PLEKHA6: variants seen among roughly 807,000 people sequenced by gnomAD.
The protein encoded by PLEKHA6 is pleckstrin homology domain-containing family A member 6.
A neutral mutation model predicts 116.7 loss-of-function variants in PLEKHA6; 60 were observed. That is an observed-to-expected ratio of 0.51 (90% CI 0.42 to 0.64). PLEKHA6 has a LOEUF of 0.64. Among genes scored for constraint, PLEKHA6 ranks in the 30% least tolerant of loss-of-function variants. PLEKHA6 has a pLI of 0.00. For missense variants in PLEKHA6, 1,338 were observed against 1,422.7 expected (o/e 0.94, Z 0.96); for synonymous variants, 489 against 556.1 (o/e 0.88, Z 1.70).
intron 1 of PLEKHA6, among the ~76,000 whole-genome samples, chr1:204,328,490 G>A (rs1258008648): frequency 1.3e-5 from 2 of 151,450 alleles, no homozygotes; most frequent in Non-Finnish European, 2.9e-5. Context: ...TCTGCCTCTC[G>A]GGTTTCCCTG....
At chr1:204,266,808 C>T (rs576902058) in intron 5 of PLEKHA6, among the ~76,000 whole-genome samples, 5 of 152,308 alleles carry the variant, frequency 3.3e-5, no homozygotes, top group African/African-American at 7.2e-5. Flanking sequence ...TCATCCCTCA[C>T]GCCTATTTCC....
chr1:204,361,879 G>A (rs760283649), upstream of PLEKHA6, among the ~76,000 whole-genome samples: 18 of 152,344 alleles, frequency 1.2e-4, no homozygotes, highest in Admixed American at 3.9e-4. Flanking sequence ...GAGGGAGGCC[G>A]GGGAGGGGGA....
rs145932113 is a variant in PLEKHA6, at chr1:204,256,037, G to C, written c.1524+1316C>G. On this transcript the variant is annotated intron_variant, in intron 9 of 22. Transcript: ENST00000272203. The stretch of plus-strand genomic sequence containing the variant: ...AAAAATCGGTTGTTTCTGGGTGCGT[G>C]TGTTTGCTGTGGGCAAAGCTTATAT... Among the ~76,000 whole-genome samples, 54 of 152,344 alleles carry C rather than the reference G, an allele frequency of 3.5e-4. No individual in the cohort carries two copies. The Middle Eastern group carries it at 0.01, about 29-fold the overall frequency.
intron 1 of PLEKHA6, among the ~76,000 whole-genome samples, chr1:204,341,192 T>C (rs1672834208): frequency 6.6e-6 from 1 of 152,202 alleles, no homozygotes; most frequent in African/African-American, 2.4e-5. Context: ...AGGCAGATCA[T>C]GGTTGTTAGA....
intron 1 of PLEKHA6, among the ~76,000 whole-genome samples, chr1:204,342,781 A>G (rs1379300161): frequency 6.6e-6 from 1 of 152,206 alleles, no homozygotes; most frequent in Non-Finnish European, 1.5e-5. Flanking sequence ...GGAGGTAAGG[A>G]AGTTCCCAAC....
At chr1:204,289,257 A>G (rs1669506096) in intron 1 of PLEKHA6, among the ~76,000 whole-genome samples, 1 of 152,038 alleles carries the variant, frequency 6.6e-6, no homozygotes, top group South Asian at 2.1e-4. Context: ...GCCCAGTAGG[A>G]TTTTTCTTTT....
intron 1 of PLEKHA6, among the ~76,000 whole-genome samples, chr1:204,304,447 A>C (rs1293726979): frequency 1.3e-5 from 2 of 152,210 alleles, no homozygotes; most frequent in Admixed American, 6.5e-5. Context: ...AATCTGCCCC[A>C]AAAGTGGCCT....
At chr1:204,357,465 A>C (rs1439186788) in intron 1 of PLEKHA6, among the ~76,000 whole-genome samples, 1 of 152,180 alleles carries the variant, frequency 6.6e-6, no homozygotes, top group African/African-American at 2.4e-5. Flanking sequence ...CCCAAAATAT[A>C]GTCTTTTTTT....
intron 6 of PLEKHA6, among the ~76,000 whole-genome samples, chr1:204,263,232 T>G: frequency 2.0e-5 from 3 of 150,012 alleles, no homozygotes; most frequent in Non-Finnish European, 4.5e-5. Flanking sequence ...TGATGGGGAG[T>G]GGGTAGGGGC....
At chr1:204,249,665 A>C (rs908428308) in intron 10 of PLEKHA6, among the ~76,000 whole-genome samples, 4 of 152,014 alleles carry the variant, frequency 2.6e-5, no homozygotes, top group African/African-American at 9.7e-5. Context: ...ACTGTCCCTC[A>C]ATCCCACAGA....
intron 1 of PLEKHA6, among the ~76,000 whole-genome samples, chr1:204,329,931 AAGAG>A (rs1399096273): frequency 6.6e-6 from 1 of 151,816 alleles, no homozygotes; most frequent in African/African-American, 2.4e-5. Flanking sequence ...GTTTCTTCAG[AAGAG>A]AGAGAGAGAA....
At chr1:204,239,642 C>T (rs1235930738) in intron 17 of PLEKHA6, among the ~76,000 whole-genome samples, 1 of 152,160 alleles carries the variant, frequency 6.6e-6, no homozygotes, top group Non-Finnish European at 1.5e-5. Flanking sequence ...ATTCACTGGT[C>T]TTACTATGTT....
chr1:204,320,432 A>C (rs1672018404), intron 1 of PLEKHA6: 2 of 935,738 alleles, frequency 2.1e-6, no homozygotes, highest in Admixed American at 1.2e-4. Flanking sequence ...TCAGCTCCCC[A>C]GGAGACTGTG....
chr1:204,218,958 G>T lies in PLEKHA6; in HGVS notation c.*3830C>A. 6.6e-6 allele frequency: 1 copy of T among 152,564 alleles called. No individual in the cohort carries two copies. The allele number at this position is 152,564 out of a possible 1,614,324, so 9.5% of individuals were successfully genotyped here. On this transcript the variant is annotated 3_prime_UTR_variant, in exon 23 of 23. Transcript: ENST00000272203. ...AGTACCTAAATCTAAAAAGAATGCTGCTGAAAGGGGGAAGCAAACTCTCAC... is the reference window on the plus strand; with the variant it reads ...AGTACCTAAATCTAAAAAGAATGCTTCTGAAAGGGGGAAGCAAACTCTCAC...
At chr1:204,370,681 C>A (rs1673756618) in intron 2 of PLEKHA6, among the ~76,000 whole-genome samples, 1 of 152,174 alleles carries the variant, frequency 6.6e-6, no homozygotes, top group African/African-American at 2.4e-5. Context: ...CAGCCTTGTC[C>A]CCTTTCATGT....
chr1:204,326,612 A>G (rs968073280), intron 1 of PLEKHA6, among the ~76,000 whole-genome samples: 2 of 152,248 alleles, frequency 1.3e-5, no homozygotes, highest in African/African-American at 2.4e-5. Context: ...GTGATAGATC[A>G]TTGAGCCTTA....
At chr1:204,275,728 A>T in intron 1 of PLEKHA6, 1 of 985,150 alleles carries the variant, frequency 1.0e-6, no homozygotes, top group Non-Finnish European at 1.2e-6. Context: ...CCATAATGGC[A>T]ACCCCCAAGA....
chr1:204,240,758 T>C (rs1662695645), intron 17 of PLEKHA6, among the ~76,000 whole-genome samples: 1 of 152,182 alleles, frequency 6.6e-6, no homozygotes, highest in African/African-American at 2.4e-5. Flanking sequence ...TGATTAATAT[T>C]GAGTGTCAAC....
At chr1:204,296,294 A>G (rs747074879) in intron 1 of PLEKHA6, among the ~76,000 whole-genome samples, 9 of 149,654 alleles carry the variant, frequency 6.0e-5, no homozygotes, top group Non-Finnish European at 1.3e-4. Context: ...TCTCAGCACT[A>G]TTTCTCTTTC....
Sources: allele counts gnomAD v4.1 joint callset (sites outside exome capture counted in the v4.1 genomes callset), GRCh38; gene constraint gnomAD v4.1.1; transcripts MANE v1.5; gene names NCBI Gene and HGNC (gene_info 2026-07-23, HGNC 2026-07-21).